The following NRAP variants were observed in gnomAD, a reference collection of about 807,000 sequenced individuals.
NRAP encodes the protein nebulin-related-anchoring protein.
In NRAP, 189 loss-of-function variants were observed where a neutral mutation model predicts 225.9. That is an observed-to-expected ratio of 0.84 (90% CI 0.74 to 0.94). The LOEUF is 0.94. Among genes scored for constraint, NRAP ranks in the 40% least tolerant of loss-of-function variants. NRAP has a pLI of 0.00. For missense variants in NRAP, 2,176 were observed against 2,168.7 expected (o/e 1.00, Z -0.07); for synonymous variants, 769 against 790.7 (o/e 0.97, Z 0.46).
At chr10:113,600,015 C>A (rs1006687326) in intron 35 of NRAP, among the ~76,000 whole-genome samples, 1 of 152,162 alleles carries the variant, frequency 6.6e-6, no homozygotes, top group Admixed American at 6.5e-5. Context: ...AACCATTGTG[C>A]CCAGCAAGTG....
chr10:113,608,556 A>G (rs1847139162), intron 31 of NRAP, 44 bp from the exon 32 acceptor site: 1 of 1,264,298 alleles, frequency 7.9e-7, no homozygotes, highest in Non-Finnish European at 1.1e-6. Flanking sequence ...TCCGTAAGGG[A>G]TAAAAACCAG....
intron 38 of NRAP, among the ~76,000 whole-genome samples, chr10:113,594,855 G>A (rs1408100417): frequency 6.6e-6 from 1 of 152,192 alleles, no homozygotes; most frequent in Non-Finnish European, 1.5e-5. Flanking sequence ...GGACACAATG[G>A]CCAGGCCAGG....
At chr10:113,636,559 G>A (rs1327906778) in intron 14 of NRAP, among the ~76,000 whole-genome samples, 3 of 152,226 alleles carry the variant, frequency 2.0e-5, no homozygotes, top group Admixed American at 6.5e-5. Flanking sequence ...GCAAAGAGAG[G>A]CAGCTGCTGC....
rs754051559 is a variant in NRAP at position 113,612,429 on chromosome 10, C to T, written c.3303G>A (p.Val1101=). The T allele has an allele frequency of 6.2e-6, 10 of 1,613,540 alleles. No individual in the cohort carries two copies. The South Asian group carries it at 1.1e-4, about 18-fold the overall frequency. The part of the protein sequence containing the change: ...SVYATSLQSD[V]NYKKGFEHSK... ...AGTGTTCAAAGCCTTTCTTGTAATT[C>T]ACCTAGAGGGGCAGACAGAGCAACA... Residue 1101 remains valine (V), a splice_region_variant and synonymous_variant, in exon 30 of 42, where the codon GTG becomes GTA. Transcript: ENST00000359988.
intron 35 of NRAP, among the ~76,000 whole-genome samples, chr10:113,600,277 C>G (rs2133867601): frequency 6.6e-6 from 1 of 151,838 alleles, no homozygotes; most frequent in East Asian, 1.9e-4. Flanking sequence ...CTCAAGTGAT[C>G]CTCCCACCTC....
At position 113,614,831 on chromosome 10, in the gene NRAP, A is replaced by G. The variant is rs1847547635; in HGVS notation, c.3186+8T>C. 3 of 1,529,208 alleles carry G rather than the reference A, an allele frequency of 2.0e-6. No homozygotes were observed. The highest frequency in any genetic ancestry group is 1.8e-6 in the Non-Finnish European group (2 of 1,102,262). 94.7% of individuals were successfully genotyped at this position (1,529,208 alleles called of 1,614,324 possible). A position where few individuals can be genotyped will look rare whatever the true frequency, so the allele number is the denominator to read the frequency against. Reference sequence around the variant, plus strand: ...AACATTGTCACAAGAATGGGGGTGAATGCTCACATCACTTATGATTTCACC... The same window carrying G: ...AACATTGTCACAAGAATGGGGGTGAGTGCTCACATCACTTATGATTTCACC... On this transcript the variant is annotated splice_region_variant and intron_variant, in intron 28 of 41. Transcript: ENST00000359988.
intron 14 of NRAP, among the ~76,000 whole-genome samples, chr10:113,639,149 T>C (rs561350840): frequency 3.9e-4 from 42 of 108,412 alleles, no homozygotes; most frequent in African/African-American, 1.1e-3. Flanking sequence ...TTTAACTTTG[T>C]GAAATGAGTA....
intron 41 of NRAP, 137 bp from the exon 42 acceptor site, chr10:113,589,216 ACCCTCCCC>A: frequency 1.5e-6 from 1 of 656,954 alleles, no homozygotes; most frequent in South Asian, 2.0e-5. Context: ...CCCCTCTTCT[ACCCTCCCC>A]AAGAAAAAGG....
intron 14 of NRAP, among the ~76,000 whole-genome samples, chr10:113,634,729 C>A (rs1848764713): frequency 6.6e-6 from 1 of 152,118 alleles, no homozygotes; most frequent in Non-Finnish European, 1.5e-5. Flanking sequence ...TGCCTGAGGT[C>A]ATTTTATAAA....
chr10:113,596,993 C>G, intron 37 of NRAP, 93 bp downstream of exon 37: 1 of 808,656 alleles, frequency 1.2e-6, no homozygotes, highest in Non-Finnish European at 2.1e-6. Flanking sequence ...AGGTTTGCAC[C>G]CCCATCTGTC....
intron 38 of NRAP, among the ~76,000 whole-genome samples, chr10:113,593,517 C>T (rs1040835266): frequency 2.0e-5 from 3 of 152,214 alleles, no homozygotes; most frequent in South Asian, 2.1e-4. Context: ...CTGAGCCAAA[C>T]GTCTACTGTG....
At chr10:113,590,215 C>T (rs549602550) in intron 40 of NRAP, among the ~76,000 whole-genome samples, 10 of 152,310 alleles carry the variant, frequency 6.6e-5, no homozygotes, top group African/African-American at 2.4e-4. Context: ...TGGGCCCTCA[C>T]AGCAAACCAA....
Position 113,662,727 on chromosome 10 carries a change from G to C in NRAP, c.207C>G (p.His69Gln), listed in dbSNP as rs1418446379. The C allele has an allele frequency of 1.9e-6, 3 of 1,601,748 alleles. No individual in the cohort carries two copies. In the South Asian group the frequency reaches 3.3e-5, roughly 18 times the overall value. ...PKNNTFTSVY[H>Q]TPLNLNVRTF... ...TCCTCACATTTAGATTTAATGGAGT[G>C]TGATAGACACTGGTGAAAGTGTTGT... The change falls in exon 3 of 42, where the codon CAC becomes CAG. Residue 69 changes from histidine (H) to glutamine (Q), a missense_variant. His to Gln is a conservative substitution (Grantham distance 24). Transcript: ENST00000359988.
In NRAP at chr10:113,628,994, T is replaced by C. The variant is rs1377012063; in HGVS notation, c.2068A>G (p.Met690Val). 2 of 1,613,846 alleles carry C rather than the reference T, an allele frequency of 1.2e-6. No individual in the cohort carries two copies. The highest frequency in any genetic ancestry group is 1.1e-5 in the South Asian group (1 of 91,068). Residue 690 changes from methionine to valine, a missense_variant, in exon 20 of 42, where the codon ATG becomes GTG. Physicochemically the swap from Met to Val is conservative, Grantham distance 21 (BLOSUM62 1). Transcript: ENST00000359988. The stretch of plus-strand genomic sequence containing the variant: ...TCTGTCAGCCACCCAACTCCCTTCA[T>C]CCATGCCAGGTCAGCCTTGTACTGC... ...ELQYKADLAW[M>V]KGVGWLTEGS...
rs780348665 is a variant in NRAP at position 113,588,794 on chromosome 10, G to T, written c.*181C>A. ...AACAGAATCAGCCATCCACGTCTAG[G>T]TATCAGAGAGGACCACAAATACAAC... On this transcript the variant is annotated 3_prime_UTR_variant, in exon 42 of 42. Coordinates refer to ENST00000359988, the MANE Select transcript of NRAP (RefSeq NM_198060.4). 1 of 606,250 alleles carries T rather than the reference G, an allele frequency of 1.6e-6. No homozygotes were observed. Among genetic ancestry groups the T allele is most frequent in the Non-Finnish European group, 2.9e-6 (1 of 341,114 alleles). 37.6% of individuals were successfully genotyped at this position (606,250 alleles called of 1,614,324 possible). A position where few individuals can be genotyped will look rare whatever the true frequency, so the allele number is the denominator to read the frequency against.
chr10:113,602,352 G>A (rs926062127), intron 35 of NRAP, among the ~76,000 whole-genome samples: 3 of 152,154 alleles, frequency 2.0e-5, no homozygotes, highest in Non-Finnish European at 4.4e-5. Context: ...GTCCCAGAAG[G>A]TTTCTGTTCT....
At chr10:113,590,932 C>T (rs992083966) in intron 39 of NRAP, 43 bp from the exon 40 acceptor site, 7 of 1,565,408 alleles carry the variant, frequency 4.5e-6, no homozygotes, top group Non-Finnish European at 6.1e-6. Flanking sequence ...GTGCCTACCT[C>T]CCCCAGGACC....
intron 21 of NRAP, 34 bp downstream of exon 21, chr10:113,626,013 C>A (rs1415304522): frequency 5.4e-6 from 8 of 1,487,632 alleles, no homozygotes; most frequent in Non-Finnish European, 7.4e-6. Flanking sequence ...CATGACACAG[C>A]AGCTTGGTGG....
At chr10:113,615,974 G>A (rs954020788) in intron 26 of NRAP, among the ~76,000 whole-genome samples, 158 bp from the exon 27 acceptor site, 6 of 152,130 alleles carry the variant, frequency 3.9e-5, no homozygotes, top group Non-Finnish European at 5.9e-5. Flanking sequence ...CAGCTAGCAC[G>A]GTGACACGCA....
Sources: gnomAD v4.1 joint callset for allele counts (sites outside exome capture counted in the v4.1 genomes callset) on GRCh38, gnomAD v4.1.1 for gene constraint, MANE v1.5 for transcripts, NCBI Gene and HGNC (gene_info 2026-07-23, HGNC 2026-07-21) for gene names.